RARB: variants seen among roughly 807,000 people sequenced by gnomAD.
RARB encodes retinoic acid receptor beta.
A neutral mutation model predicts 51.9 loss-of-function variants in RARB; 17 were observed. The observed-to-expected ratio is 0.33, with a 90% CI of 0.22 to 0.49. RARB has a LOEUF of 0.49. Among genes scored for constraint, RARB ranks in the 20% least tolerant of loss-of-function variants. RARB has a pLI of 0.99. For synonymous variants in RARB, 215 were observed against 195.4 expected (o/e 1.10, Z -0.84); for missense variants, 369 against 550.8 (o/e 0.67, Z 3.30).
intron 5 of RARB, among the ~76,000 whole-genome samples, chr3:25,403,640 A>G (rs1053425785): frequency 6.6e-6 from 1 of 152,084 alleles, no homozygotes; most frequent in African/African-American, 2.4e-5. Flanking sequence ...CAGCTCTGCG[A>G]TATTATTTTT....
intron 4 of RARB, among the ~76,000 whole-genome samples, chr3:25,156,513 C>A (rs966281311): frequency 1.3e-4 from 9 of 68,062 alleles, no homozygotes; most frequent in Middle Eastern, 0.015. Context: ...CTAGCCCCAA[C>A]TGCAAAAAAA....
intron 1 of RARB, among the ~76,000 whole-genome samples, chr3:24,849,947 A>T (rs756807736): frequency 5.9e-5 from 9 of 152,228 alleles, no homozygotes; most frequent in Non-Finnish European, 1.2e-4. Flanking sequence ...TTGTGCTGGT[A>T]TAACAATTAA....
intron 5 of RARB, among the ~76,000 whole-genome samples, chr3:25,266,005 C>T (rs546848011): frequency 6.6e-6 from 1 of 152,278 alleles, no homozygotes; most frequent in South Asian, 2.1e-4. Flanking sequence ...ACTGCCATTT[C>T]TATAGTTCTC....
At chr3:25,047,998 G>A (rs1415218907) in intron 2 of RARB, among the ~76,000 whole-genome samples, 1 of 152,130 alleles carries the variant, frequency 6.6e-6, no homozygotes, top group East Asian at 1.9e-4. Flanking sequence ...TTCATAAATG[G>A]GAGTTCCCCT....
At chr3:25,411,078 C>G (rs1013904283) in intron 5 of RARB, among the ~76,000 whole-genome samples, 2 of 152,154 alleles carry the variant, frequency 1.3e-5, no homozygotes, top group Non-Finnish European at 2.9e-5. Context: ...ATATCCTATA[C>G]CTTTCTGAAA....
At chr3:25,268,079 T>C (rs1184730843) in intron 5 of RARB, among the ~76,000 whole-genome samples, 6 of 152,220 alleles carry the variant, frequency 3.9e-5, no homozygotes, top group Non-Finnish European at 8.8e-5. Context: ...AATAAAATTT[T>C]ATAATCTTCC....
chr3:25,453,243 C>CTTTTTTTTTTT (rs758275411), intron 1 of RARB, among the ~76,000 whole-genome samples: 1 of 81,988 alleles, frequency 1.2e-5, no homozygotes, highest in East Asian at 3.6e-4. Flanking sequence ...CAAGATTCTG[C>CTTTTTTTTTTT]TTTTTTTTTT....
intron 3 of RARB, among the ~76,000 whole-genome samples, chr3:25,068,210 T>C (rs1347970532): frequency 7.7e-6 from 1 of 129,500 alleles, no homozygotes; most frequent in African/African-American, 2.9e-5. Context: ...TCAAAAAATC[T>C]GTCCCCCTCT....
chr3:24,948,009 C>T (rs1695811571), intron 2 of RARB, among the ~76,000 whole-genome samples: 1 of 152,024 alleles, frequency 6.6e-6, no homozygotes, highest in Admixed American at 6.6e-5. Flanking sequence ...CTCTTTGCTC[C>T]ATTTAGACAA....
chr3:24,908,905 G>T (rs980896253), intron 2 of RARB, among the ~76,000 whole-genome samples: 1 of 151,822 alleles, frequency 6.6e-6, no homozygotes, highest in Non-Finnish European at 1.5e-5. Flanking sequence ...ACATCCTTCA[G>T]CTATCCATAT....
rs1203144101 is a variant in RARB, at chr3:24,930,059, T to TG, written c.-380+71308dup. 3.9e-5 allele frequency among the ~76,000 whole-genome samples: 6 copies of TG among 152,244 alleles called. No homozygotes were observed. In the South Asian group the frequency reaches 8.3e-4, roughly 21 times the overall value. ...CAATATCCTGCAACTCCTTTTGATG[T>TG]GAAATATATTAATTTGAATGGAAAA... On this transcript the variant is annotated intron_variant, in intron 2 of 11. Coordinates refer to the RARB transcript ENST00000383772.
At chr3:25,483,946 T>G (rs1191155404) in intron 2 of RARB, among the ~76,000 whole-genome samples, 1 of 152,264 alleles carries the variant, frequency 6.6e-6, no homozygotes, top group Non-Finnish European at 1.5e-5. Flanking sequence ...GCTTTATTTA[T>G]TATTTCAGTT....
intron 5 of RARB, among the ~76,000 whole-genome samples, chr3:25,264,754 G>A (rs1703086169): frequency 6.6e-6 from 1 of 152,150 alleles, no homozygotes; most frequent in South Asian, 2.1e-4. Context: ...TTTTCCTTCT[G>A]CATGGGTGTA....
chr3:25,183,820 A>G lies in RARB; in HGVS notation c.178+9245A>G, dbSNP rs193281776. On this transcript the variant is annotated intron_variant, in intron 5 of 11. Transcript: ENST00000383772. ...GTCCATCCCTAGCATCTCTCCTGCA[A>G]TAACACTTATTGTCTTCTCCCTTAT... Among the ~76,000 whole-genome samples, 4 of 152,278 alleles carry G rather than the reference A, an allele frequency of 2.6e-5. No individual in the cohort carries two copies. The East Asian group carries it at 7.7e-4, about 29-fold the overall frequency.
At chr3:25,523,216 G>T (rs988437806) in intron 3 of RARB, among the ~76,000 whole-genome samples, 1 of 152,178 alleles carries the variant, frequency 6.6e-6, no homozygotes, top group African/African-American at 2.4e-5. Context: ...CCTCCCAGGG[G>T]AATGGTTCTC....
intron 3 of RARB, among the ~76,000 whole-genome samples, chr3:25,061,797 A>G (rs1434612268): frequency 6.6e-6 from 1 of 151,826 alleles, no homozygotes; most frequent in Non-Finnish European, 1.5e-5. Flanking sequence ...AAGTGATTCA[A>G]GTTAATGTTG....
Position 25,276,884 on chromosome 3 carries a change from A to T in RARB, c.178+102309A>T, listed in dbSNP as rs376439386. Among the ~76,000 whole-genome samples the T allele has an allele frequency of 2.4e-3, 363 of 152,360 alleles. 1 individual carries two copies. The highest frequency in any genetic ancestry group is 8.3e-3 in the African/African-American group (346 of 41,594). On this transcript the variant is annotated intron_variant, in intron 5 of 11. Coordinates refer to the RARB transcript ENST00000383772. ...ACGGTATATATTGGCAGTAATCTGT[A>T]TAACAGCTCATAAAATTTAAACTTA...
chr3:25,241,106 T>C (rs1435868223), intron 5 of RARB, among the ~76,000 whole-genome samples: 2 of 152,158 alleles, frequency 1.3e-5, no homozygotes, highest in African/African-American at 4.8e-5. Context: ...TTTTCCAGTT[T>C]ATTTGTGTAT....
At chr3:25,407,239 TACAA>T (rs1307973495) in intron 5 of RARB, among the ~76,000 whole-genome samples, 1 of 152,198 alleles carries the variant, frequency 6.6e-6, no homozygotes, top group Non-Finnish European at 1.5e-5. Flanking sequence ...TAGACGTCAC[TACAA>T]ACAAACAGAC....
Sources: allele counts gnomAD v4.1 joint callset (sites outside exome capture counted in the v4.1 genomes callset), GRCh38; gene constraint gnomAD v4.1.1; transcripts MANE v1.5; gene names NCBI Gene and HGNC (gene_info 2026-07-23, HGNC 2026-07-21).